Variants in ACAD11 observed in about 807,000 individuals in gnomAD.
ACAD11 encodes acyl-Coenzyme A dehydrogenase family, member 11.
In ACAD11, 83 loss-of-function variants were observed where a neutral mutation model predicts 102.2. That is an observed-to-expected ratio of 0.81 (90% confidence interval 0.68 to 0.97). The LOEUF is 0.97. Ranked by LOEUF, ACAD11 falls within the 50% of genes least tolerant of loss-of-function variation. ACAD11 has a pLI of 0.00. For synonymous variants in ACAD11, 324 were observed against 319.8 expected, an observed-to-expected ratio of 1.01 and a Z score of -0.14; for missense variants, 901 against 951.7, an observed-to-expected ratio of 0.95 and a Z score of 0.70.
chr3:132,575,035 C>T (rs1179832016), intron 17 of ACAD11, among the ~76,000 whole-genome samples: 5 of 151,786 alleles, frequency 3.3e-5, no homozygotes, highest in East Asian at 1.9e-4. Flanking sequence ...TTAGTAGAGA[C>T]GGGGTTTCAC....
intron 3 of ACAD11, 72 bp from the exon 4 acceptor site, chr3:132,642,205 T>C (rs1298277733): frequency 3.7e-6 from 5 of 1,365,378 alleles, no homozygotes; most frequent in Non-Finnish European, 5.0e-6. Flanking sequence ...TAGAAAAACA[T>C]TCATTTGTGA....
At chr3:132,638,231 A>G (rs1286616420) in intron 5 of ACAD11, among the ~76,000 whole-genome samples, 1 of 152,126 alleles carries the variant, frequency 6.6e-6, no homozygotes, top group Non-Finnish European at 1.5e-5. Context: ...TTTCAATTTT[A>G]AAAGGTACAC....
chr3:132,595,303 G>A (rs1938252440), intron 13 of ACAD11, among the ~76,000 whole-genome samples: 2 of 152,150 alleles, frequency 1.3e-5, no homozygotes, highest in South Asian at 4.1e-4. Flanking sequence ...GCAAGAAGCT[G>A]GGTATGGCAG....
chr3:132,614,300 C>T (rs1269397343), intron 11 of ACAD11, among the ~76,000 whole-genome samples: 1 of 152,146 alleles, frequency 6.6e-6, no homozygotes, highest in Non-Finnish European at 1.5e-5. Flanking sequence ...CATTGACTTT[C>T]TTCACAGAAT....
chr3:132,654,554 C>G (rs752287654), intron 1 of ACAD11: 2 of 152,130 alleles, frequency 1.3e-5, no homozygotes, highest in Non-Finnish European at 2.9e-5. Context: ...TGTGGAGAGC[C>G]GTAAAAGCCA....
In ACAD11 at chr3:132,639,565, G is replaced by T; in HGVS notation, c.629C>A (p.Pro210His). The change falls in exon 5 of 20, where the codon CCC (proline) becomes CAC (histidine). Residue 210 changes from proline to histidine, a missense_variant. Physicochemically the swap from Pro to His is moderately conservative, Grantham distance 77. Coordinates refer to ENST00000264990, the MANE Select transcript of ACAD11 (RefSeq NM_032169.5). ...QLSEWLMKNL[P>H]DNDNEENLIH... The stretch of plus-strand genomic sequence containing the variant: ...CAAATTCTCTTCATTGTCATTATCG[G>T]GCAAGTTCTTCATTAGCCACTCCGA... 2 of 1,613,794 alleles carry T rather than the reference G, an allele frequency of 1.2e-6. No homozygotes were observed. Among genetic ancestry groups the T allele is most frequent in the Non-Finnish European group, 1.7e-6 (2 of 1,179,910 alleles).
chr3:132,613,268 C>G (rs1002137693), intron 11 of ACAD11, among the ~76,000 whole-genome samples: 1 of 151,696 alleles, frequency 6.6e-6, no homozygotes, highest in Non-Finnish European at 1.5e-5. Context: ...GGAGAGATAC[C>G]TAATGCTAAA....
chr3:132,626,381 T>A (rs1939810931), intron 9 of ACAD11, among the ~76,000 whole-genome samples: 1 of 150,690 alleles, frequency 6.6e-6, no homozygotes, highest in Non-Finnish European at 1.5e-5. Flanking sequence ...CTCAAAGGGG[T>A]CCATATTTAC....
chr3:132,592,814 G>A (rs1370948719), intron 13 of ACAD11, among the ~76,000 whole-genome samples: 1 of 152,010 alleles, frequency 6.6e-6, no homozygotes, highest in Non-Finnish European at 1.5e-5. Flanking sequence ...GAAAAAAGAT[G>A]TTCATTGTAC....
chr3:132,595,109 AT>A (rs1938244828), intron 13 of ACAD11, among the ~76,000 whole-genome samples: 1 of 152,166 alleles, frequency 6.6e-6, no homozygotes. Flanking sequence ...GGGAGTCCAG[AT>A]GGATGAGGGT....
chr3:132,630,158 C>T (rs1035272536), intron 7 of ACAD11, among the ~76,000 whole-genome samples: 6 of 152,254 alleles, frequency 3.9e-5, no homozygotes, highest in East Asian at 1.9e-4. Context: ...AATGACTAAT[C>T]CTTACTAATC....
At chr3:132,606,712 A>T (rs1461299197) in intron 11 of ACAD11, among the ~76,000 whole-genome samples, 1 of 152,216 alleles carries the variant, frequency 6.6e-6, no homozygotes, top group Non-Finnish European at 1.5e-5. Flanking sequence ...GCTTCAGCAG[A>T]CTTCAACATT....
intron 13 of ACAD11, among the ~76,000 whole-genome samples, chr3:132,587,224 TTTA>T (rs1937880408): frequency 6.6e-6 from 1 of 152,218 alleles, no homozygotes; most frequent in Non-Finnish European, 1.5e-5. Flanking sequence ...GAATTTTTAG[TTTA>T]TTCTTTTTTC....
chr3:132,611,907 G>T (rs1329765970), intron 11 of ACAD11, among the ~76,000 whole-genome samples: 2 of 151,978 alleles, frequency 1.3e-5, no homozygotes, highest in South Asian at 4.1e-4. Context: ...AAAAGAGCCT[G>T]CATCGCCAAG....
intron 13 of ACAD11, among the ~76,000 whole-genome samples, chr3:132,590,622 C>T (rs1938035904): frequency 6.6e-6 from 1 of 152,188 alleles, no homozygotes; most frequent in Admixed American, 6.6e-5. Flanking sequence ...ACACTCCCAC[C>T]AACAGTGTAT....
chr3:132,565,382 T>G (rs1351604644), intron 17 of ACAD11, among the ~76,000 whole-genome samples: 1 of 152,168 alleles, frequency 6.6e-6, no homozygotes, highest in Non-Finnish European at 1.5e-5. Context: ...ATCATCCTCT[T>G]CAGGTACTGA....
chr3:132,589,187 C>T (rs968552784), intron 13 of ACAD11, among the ~76,000 whole-genome samples: 1 of 152,118 alleles, frequency 6.6e-6, no homozygotes, highest in Non-Finnish European at 1.5e-5. Flanking sequence ...CCTCTAGAAC[C>T]ATGAGAAATA....
intron 2 of ACAD11, among the ~76,000 whole-genome samples, chr3:132,644,309 C>CA (rs1302205496): frequency 1.3e-5 from 2 of 152,094 alleles, no homozygotes; most frequent in Non-Finnish European, 2.9e-5. Flanking sequence ...TAGTTTTCAA[C>CA]AAAAATCTTT....
At chr3:132,613,086 T>G (rs1939232053) in intron 11 of ACAD11, among the ~76,000 whole-genome samples, 1 of 151,924 alleles carries the variant, frequency 6.6e-6, no homozygotes, top group Admixed American at 6.6e-5. Flanking sequence ...GGGACATGGA[T>G]AAAGCTGGAA....
Sources: gnomAD v4.1 joint callset for allele counts (sites outside exome capture counted in the v4.1 genomes callset) on GRCh38, gnomAD v4.1.1 for gene constraint, MANE v1.5 for transcripts, NCBI Gene and HGNC (gene_info 2026-07-23, HGNC 2026-07-21) for gene names.